The following FGD1 variants were observed in gnomAD, a reference collection of about 807,000 sequenced individuals.
The protein encoded by FGD1 is FYVE, RhoGEF and PH domain-containing protein 1.
FGD1 carries 12 observed loss-of-function variants against 65.0 expected under a neutral mutation model. That is an observed-to-expected ratio of 0.18 (90% confidence interval 0.12 to 0.30). The LOEUF is 0.30. Among genes scored for constraint, FGD1 ranks in the 10% least tolerant of loss-of-function variants. The probability of loss-of-function intolerance (pLI) is 1.00; values close to 1 mark genes in which losing one functional copy is unlikely to be tolerated. For missense variants in FGD1, 542 were observed against 837.6 expected (o/e 0.65, Z 4.36); for synonymous variants, 333 against 343.9 (o/e 0.97, Z 0.35).
Position 54,456,246 on chromosome X carries a change from T to G in FGD1, c.1816A>C (p.Thr606Pro), listed in dbSNP as rs1317340640. The G allele has an allele frequency of 8.3e-7, 1 of 1,209,322 alleles. No individual in the cohort carries two copies. The highest frequency in any genetic ancestry group is 1.1e-6 in the Non-Finnish European group (1 of 895,022). ...AGTATGAGGTATCGGTCTTGAGTGG[T>G]CCCATTCTTTGCTGACAGCTTAAGG... ...HILKLSAKNG[T>P]TQDRYLILFN... Residue 606 changes from threonine to proline, a missense_variant, in exon 10 of 18, where the codon ACC becomes CCC. Transcript: ENST00000375135.
chrX:54,461,619 A>G (rs979111965), intron 8 of FGD1, among the ~76,000 whole-genome samples: 1 of 106,140 alleles, frequency 9.4e-6, no homozygotes, highest in Non-Finnish European at 1.9e-5. Context: ...AAAAAAAAAA[A>G]AAAAAAAGAA....
chrX:54,487,484 T>G (rs1388317059), intron 1 of FGD1, among the ~76,000 whole-genome samples: 1 of 112,677 alleles, frequency 8.9e-6, no homozygotes, highest in Non-Finnish European at 1.9e-5. Flanking sequence ...TCCATGCTCA[T>G]GGATAGGAAG....
intron 1 of FGD1, among the ~76,000 whole-genome samples, chrX:54,482,236 G>GCGCGCGCGCACACACACA (rs796491256): frequency 1.6e-4 from 16 of 99,390 alleles, no homozygotes; most frequent in African/African-American, 5.0e-4. Flanking sequence ...GCACACGCGC[G>GCGCGCGCGCACACACACA]CACACACACA....
chrX:54,475,240 G>A (rs916492764), intron 1 of FGD1, among the ~76,000 whole-genome samples: 1 of 112,464 alleles, frequency 8.9e-6, no homozygotes, highest in African/African-American at 3.2e-5. Context: ...TGTCAGCCCA[G>A]TTTCTAGTGA....
intron 1 of FGD1, among the ~76,000 whole-genome samples, chrX:54,493,631 G>A (rs1244710164): frequency 8.9e-6 from 1 of 111,949 alleles, no homozygotes; most frequent in African/African-American, 3.2e-5. Context: ...TGGGGTGGGA[G>A]TGCTTGTGGC....
chrX:54,482,236 G>GCGCACGCACACACACACA (rs796491256), intron 1 of FGD1, among the ~76,000 whole-genome samples: 1 of 99,367 alleles, frequency 1.0e-5, no homozygotes, highest in African/African-American at 3.9e-5. Flanking sequence ...GCACACGCGC[G>GCGCACGCACACACACACA]CACACACACA....
chrX:54,451,286 G>A (rs1364975555), intron 12 of FGD1, among the ~76,000 whole-genome samples: 1 of 108,299 alleles, frequency 9.2e-6, no homozygotes, highest in African/African-American at 3.4e-5. Context: ...TATTCTGACT[G>A]TATTCTTTTT....
At chrX:54,449,608 G>A (rs753784232) in intron 14 of FGD1, 51 bp downstream of exon 14, 2 of 846,630 alleles carry the variant, frequency 2.4e-6, no homozygotes, top group Admixed American at 2.3e-5. Context: ...GTGGGCATTT[G>A]GAAGTCTGGA....
chrX:54,461,463 C>T (rs1039952960), intron 8 of FGD1, among the ~76,000 whole-genome samples: 21 of 106,468 alleles, frequency 2.0e-4, no homozygotes, highest in South Asian at 4.4e-4. Flanking sequence ...TAGCCGGGCG[C>T]GGTGGTGGGT....
At chrX:54,467,155 A>G (rs1440118679) in intron 6 of FGD1, among the ~76,000 whole-genome samples, 1 of 110,668 alleles carries the variant, frequency 9.0e-6, no homozygotes, top group African/African-American at 3.3e-5. Context: ...TAGATGAGGA[A>G]ACTGAGGCAT....
rs767160732 is a variant in FGD1 at position 54,468,869 on chromosome X, A to G, written c.1109T>C (p.Val370Ala). ...GGCAATGTGAAACACCTTTTGCTGC[A>G]CAGTCAACTGGAAAGGAGAAACAGT... ...MERQESVELT[V>A]QQKVFHIANE... The change falls in exon 5 of 18, where the codon GTG becomes GCG. Residue 370 changes from valine to alanine, a missense_variant. Coordinates refer to ENST00000375135, the MANE Select transcript of FGD1 (RefSeq NM_004463.3). 1 of 1,195,113 alleles carries G rather than the reference A, an allele frequency of 8.4e-7. No individual in the cohort carries two copies. The highest frequency in any genetic ancestry group is 2.2e-5 in the Admixed American group (1 of 45,813).
chrX:54,447,301 G>A lies in FGD1; in HGVS notation c.2580+10C>T, dbSNP rs754041248. 32 of 1,210,176 alleles carry A rather than the reference G, an allele frequency of 2.6e-5. No individual in the cohort carries two copies. In the South Asian group the frequency reaches 5.6e-4, roughly 21 times the overall value. On this transcript the variant is annotated intron_variant, in intron 17 of 17. Transcript: ENST00000375135. Reference sequence around the variant, plus strand: ...GTGGCTGAAAGGACCCGAAGGAGTAGGATGCATACCTGAGGGGCTCCGTAG... The same window carrying A: ...GTGGCTGAAAGGACCCGAAGGAGTAAGATGCATACCTGAGGGGCTCCGTAG...
chrX:54,461,532 C>T (rs1035291582), intron 8 of FGD1, among the ~76,000 whole-genome samples: 2 of 85,088 alleles, frequency 2.4e-5, no homozygotes, highest in Admixed American at 1.8e-4. Context: ...ACCAGGGAGG[C>T]GGAGGTTGCC....
chrX:54,459,710 T>C lies in FGD1; in HGVS notation c.1637-3143A>G, dbSNP rs184857905. 3.6e-3 allele frequency among the ~76,000 whole-genome samples: 403 copies of C among 111,106 alleles called. 1 individual carries two copies. The highest frequency in any genetic ancestry group is 0.013 in the African/African-American group (385 of 30,532). ...GGCTCTCATTCAGAGATTCTCATTC[T>C]GAACAGCTCAGAAAACCAGACCGGT... On this transcript the variant is annotated intron_variant, in intron 8 of 17. Coordinates refer to ENST00000375135, the MANE Select transcript of FGD1 (RefSeq NM_004463.3).
At chrX:54,463,937 C>T (rs1922696811) in intron 8 of FGD1, among the ~76,000 whole-genome samples, 2 of 111,367 alleles carry the variant, frequency 1.8e-5, no homozygotes, top group African/African-American at 6.5e-5. Flanking sequence ...CAGCACCTAT[C>T]TAATATTCTA....
In FGD1 at chrX:54,482,959, G is replaced by A. The variant is rs367913819; in HGVS notation, c.308-11472C>T. 5.4e-5 allele frequency among the ~76,000 whole-genome samples: 6 copies of A among 112,067 alleles called. No homozygotes were observed. In the East Asian group the frequency reaches 1.7e-3, roughly 32 times the overall value. On this transcript the variant is annotated intron_variant, in intron 1 of 17. Coordinates refer to ENST00000375135, the MANE Select transcript of FGD1 (RefSeq NM_004463.3). ...GCCAAGGGCTGGGGATGGATCTGTGGCATTGAATCCTTACAACAACCCTAG... is the reference window on the plus strand; with the variant it reads ...GCCAAGGGCTGGGGATGGATCTGTGACATTGAATCCTTACAACAACCCTAG...
At chrX:54,454,897 CCATT>C (rs1445482549) in intron 12 of FGD1, among the ~76,000 whole-genome samples, 1 of 111,851 alleles carries the variant, frequency 8.9e-6, no homozygotes, top group Non-Finnish European at 1.9e-5. Flanking sequence ...CAAAACAAGG[CCATT>C]CTCCTGCATA....
chrX:54,451,565 G>A (rs1368819455), intron 12 of FGD1, among the ~76,000 whole-genome samples: 6 of 108,186 alleles, frequency 5.5e-5, no homozygotes, highest in African/African-American at 1.7e-4. Flanking sequence ...GATTACAGGC[G>A]TGAGCTACCG....
chrX:54,478,531 T>C lies in FGD1; in HGVS notation c.308-7044A>G, dbSNP rs142198501. On this transcript the variant is annotated intron_variant, in intron 1 of 17. Transcript: ENST00000375135. ...GTATTAGGAACAGCTGGCTTAGGAC[T>C]TGCACAGACCTCAGTTTAGATCACA... Among the ~76,000 whole-genome samples the C allele has an allele frequency of 3.2e-3, 355 of 111,557 alleles. 3 individuals are homozygous for C. The highest frequency in any genetic ancestry group is 0.011 in the African/African-American group (342 of 30,704).
Sources: allele counts gnomAD v4.1 joint callset (sites outside exome capture counted in the v4.1 genomes callset), GRCh38; gene constraint gnomAD v4.1.1; transcripts MANE v1.5; gene names NCBI Gene and HGNC (gene_info 2026-07-23, HGNC 2026-07-21).